Variants in USP15 observed in about 807,000 individuals in gnomAD.
USP15 encodes the protein ubiquitin carboxyl-terminal hydrolase 15.
Under a neutral mutation model 127.1 loss-of-function variants are expected in USP15, and 18 were observed. The ratio of observed to expected loss-of-function variants is 0.14; its 90% CI spans 0.10 to 0.21. USP15 has a LOEUF of 0.21. Among genes scored for constraint, USP15 ranks in the 10% least tolerant of loss-of-function variants. The probability of loss-of-function intolerance (pLI) is 1.00; values close to 1 mark genes in which losing one functional copy is unlikely to be tolerated. For synonymous variants in USP15, 364 were observed against 393.7 expected (o/e 0.92, Z 0.89); for missense variants, 805 against 1,159.9 (o/e 0.69, Z 4.44).
intron 1 of USP15, among the ~76,000 whole-genome samples, chr12:62,271,071 G>T (rs2063335991): frequency 6.6e-6 from 1 of 151,934 alleles, no homozygotes; most frequent in African/African-American, 2.4e-5. Context: ...GCTGTCTTAA[G>T]AACATAGATA....
chr12:62,358,101 G>T (rs114126173), intron 8 of USP15, among the ~76,000 whole-genome samples: 1 of 151,614 alleles, frequency 6.6e-6, no homozygotes, highest in Admixed American at 6.6e-5. Context: ...TTAATTCAGT[G>T]TCCTCCAAAT....
intron 6 of USP15, chr12:62,335,155 C>A: frequency 6.5e-7 from 1 of 1,533,594 alleles, no homozygotes; most frequent in Non-Finnish European, 8.7e-7. Flanking sequence ...TTTTTTTTCT[C>A]CTTTTTCTAG....
intron 4 of USP15, chr12:62,315,176 G>C (rs1179541347): frequency 1.8e-5 from 4 of 228,012 alleles, no homozygotes; most frequent in African/African-American, 9.1e-5. Flanking sequence ...TTTAGCAACT[G>C]GTGTGTCATT....
At chr12:62,316,533 G>A (rs1445117840) in intron 4 of USP15, among the ~76,000 whole-genome samples, 2 of 151,868 alleles carry the variant, frequency 1.3e-5, no homozygotes, top group East Asian at 3.9e-4. Flanking sequence ...TTTAATAAGG[G>A]TAGTCTGTTA....
At chr12:62,332,755 T>G (rs960954379) in intron 6 of USP15, among the ~76,000 whole-genome samples, 1 of 152,206 alleles carries the variant, frequency 6.6e-6, no homozygotes, top group Non-Finnish European at 1.5e-5. Flanking sequence ...TGGAAAACCA[T>G]GCTAATAGCT....
intron 2 of USP15, 97 bp downstream of exon 2, chr12:62,294,403 T>G (rs2064067311): frequency 7.1e-7 from 1 of 1,407,482 alleles, no homozygotes; most frequent in Non-Finnish European, 9.6e-7. Context: ...CGCAAATAAG[T>G]TGATAAAGTT....
At chr12:62,286,646 TGTGATACATGGCCG>T (rs2063795527) in intron 1 of USP15, among the ~76,000 whole-genome samples, 1 of 152,006 alleles carries the variant, frequency 6.6e-6, no homozygotes, top group Non-Finnish European at 1.5e-5. Context: ...ATAAAGAAAA[TGTGATACATGGCCG>T]GGCGTGGTGG....
At position 62,396,153 on chromosome 12, in the gene USP15, G is replaced by GAT. The variant is rs143018114; in HGVS notation, c.2571-128_2571-127dup. 9.9e-3 allele frequency: 3,328 copies of GAT among 336,620 alleles called. 12 individuals are homozygous for GAT. Among genetic ancestry groups the GAT allele is most frequent in the African/African-American group, 0.023 (1,050 of 45,566 alleles). The allele number at this position is 336,620 out of a possible 1,614,324, so 20.9% of individuals were successfully genotyped here. On this transcript the variant is annotated intron_variant, in intron 19 of 21. Transcript: ENST00000280377. Reference sequence around the variant, plus strand: ...TGACTCATGATAATTTCCTTAGTGAGATATATATATATATAGATAGATATA... The same window carrying GAT: ...TGACTCATGATAATTTCCTTAGTGAGATATATATATATATATAGATAGATATA...
chr12:62,338,167 A>G (rs903045579), intron 6 of USP15, among the ~76,000 whole-genome samples: 1 of 152,028 alleles, frequency 6.6e-6, no homozygotes, highest in African/African-American at 2.4e-5. Flanking sequence ...TTTAATAATC[A>G]CTATTCTGAC....
At chr12:62,402,425 G>T (rs2067721785) in intron 21 of USP15, among the ~76,000 whole-genome samples, 1 of 151,996 alleles carries the variant, frequency 6.6e-6, no homozygotes, top group Non-Finnish European at 1.5e-5. Flanking sequence ...CTTAGAAAGG[G>T]AACTTCTGTC....
At chr12:62,358,423 A>G (rs2066206148) in intron 8 of USP15, among the ~76,000 whole-genome samples, 1 of 152,158 alleles carries the variant, frequency 6.6e-6, no homozygotes, top group African/African-American at 2.4e-5. Flanking sequence ...AAATAACAAT[A>G]CAACAGTTTG....
intron 8 of USP15, among the ~76,000 whole-genome samples, chr12:62,377,982 A>G (rs1193184964): frequency 6.6e-6 from 1 of 152,142 alleles, no homozygotes; most frequent in Non-Finnish European, 1.5e-5. Context: ...CAAGGCGGGC[A>G]GATCACCTGA....
At chr12:62,310,496 C>T (rs2064636232) in intron 3 of USP15, among the ~76,000 whole-genome samples, 1 of 151,794 alleles carries the variant, frequency 6.6e-6, no homozygotes, top group South Asian at 2.1e-4. Context: ...GTCGTTTTGT[C>T]CCTGGCTTAT....
chr12:62,303,583 C>G (rs1018435496), intron 3 of USP15: 3 of 151,926 alleles, frequency 2.0e-5, no homozygotes, highest in Admixed American at 6.6e-5. Context: ...AATTTTGTAT[C>G]TGGTTTGGGT....
chr12:62,397,293 G>A (rs2067522183), intron 20 of USP15, among the ~76,000 whole-genome samples: 1 of 152,184 alleles, frequency 6.6e-6, no homozygotes, highest in Admixed American at 6.5e-5. Flanking sequence ...TTTTGGAACA[G>A]CTAGTACAAT....
chr12:62,315,003 C>A (rs2064790757), intron 4 of USP15, 87 bp downstream of exon 4: 3 of 1,258,126 alleles, frequency 2.4e-6, no homozygotes, highest in South Asian at 5.0e-5. Context: ...TGGATGATAA[C>A]CATTTTAAGG....
chr12:62,344,720 A>G (rs1176746949), intron 6 of USP15, among the ~76,000 whole-genome samples: 1 of 152,120 alleles, frequency 6.6e-6, no homozygotes, highest in Non-Finnish European at 1.5e-5. Flanking sequence ...AGGCGTTTCC[A>G]TACATCCTCT....
chr12:62,387,460 A>G (rs2067188651), intron 11 of USP15, among the ~76,000 whole-genome samples: 3 of 152,298 alleles, frequency 2.0e-5, no homozygotes, highest in Non-Finnish European at 4.4e-5. Context: ...CTAAAGAACA[A>G]TGTAGGAGAA....
rs975093033 is a variant in USP15 at position 62,409,736 on chromosome 12, A to G, written c.*5361A>G. On this transcript the variant is annotated 3_prime_UTR_variant, in exon 22 of 22. Coordinates refer to ENST00000280377, the MANE Select transcript of USP15 (RefSeq NM_001252078.2). ...AAACATCCCAACAGTCTTTCCCACA[A>G]TGTGTATTATTACATTATTCTCAGT... The G allele has an allele frequency of 1.3e-5, 2 of 152,124 alleles. No individual in the cohort carries two copies. Among genetic ancestry groups the G allele is most frequent in the African/African-American group, 4.8e-5 (2 of 41,446 alleles). 9.4% of individuals were successfully genotyped at this position (152,124 alleles called of 1,614,324 possible).
Sources: allele counts gnomAD v4.1 joint callset (sites outside exome capture counted in the v4.1 genomes callset), GRCh38; gene constraint gnomAD v4.1.1; transcripts MANE v1.5; gene names NCBI Gene and HGNC (gene_info 2026-07-23, HGNC 2026-07-21).